SLC4A4: variants seen among roughly 807,000 people sequenced by gnomAD.
The protein encoded by SLC4A4 is solute carrier family 4 member 4.
In SLC4A4, 27 loss-of-function variants were observed where a neutral mutation model predicts 111.5. That is an observed-to-expected ratio of 0.24 (90% CI 0.18 to 0.33). The LOEUF (loss-of-function observed/expected upper bound fraction) is 0.33. Among genes scored for constraint, SLC4A4 ranks in the 10% least tolerant of loss-of-function variants. The pLI, the probability that SLC4A4 is intolerant of heterozygous loss-of-function variation, is 1.00. For synonymous variants in SLC4A4, 443 were observed against 463.4 expected (o/e 0.96, Z 0.57); for missense variants, 909 against 1,315.5 (o/e 0.69, Z 4.78).
At chr4:71,372,209 C>T (rs1276121772) in intron 6 of SLC4A4, among the ~76,000 whole-genome samples, 3 of 152,202 alleles carry the variant, frequency 2.0e-5, no homozygotes, top group African/African-American at 7.2e-5. Flanking sequence ...AAGGAGTAAG[C>T]TCTCATCATT....
intron 3 of SLC4A4, among the ~76,000 whole-genome samples, chr4:71,310,027 C>T (rs1428577635): frequency 6.6e-6 from 1 of 151,558 alleles, no homozygotes; most frequent in Non-Finnish European, 1.5e-5. Flanking sequence ...ACGAGAACTT[C>T]GTGAAGCATA....
At chr4:71,493,681 TCCTC>T (rs1165611270) in intron 15 of SLC4A4, among the ~76,000 whole-genome samples, 3 of 150,986 alleles carry the variant, frequency 2.0e-5, no homozygotes, top group Non-Finnish European at 4.4e-5. Context: ...CCCTCTCTCT[TCCTC>T]CCTCCCTCTC....
chr4:71,546,212 G>C, intron 18 of SLC4A4, 138 bp from the exon 19 acceptor site: 1 of 722,402 alleles, frequency 1.4e-6, no homozygotes, highest in Admixed American at 2.1e-5. Flanking sequence ...AGAAGATAAA[G>C]TCCCCTCTTT....
At chr4:71,226,600 A>G (rs1484326197) in intron 1 of SLC4A4, among the ~76,000 whole-genome samples, 3 of 152,198 alleles carry the variant, frequency 2.0e-5, no homozygotes, top group Non-Finnish European at 4.4e-5. Flanking sequence ...AACCATAAAC[A>G]TAATACTCTT....
intron 7 of SLC4A4, among the ~76,000 whole-genome samples, chr4:71,406,669 T>A (rs1210504086): frequency 6.9e-6 from 1 of 143,940 alleles, no homozygotes; most frequent in Non-Finnish European, 1.5e-5. Context: ...TTTGCCACCA[T>A]GTTAAAAGGA....
intron 3 of SLC4A4, among the ~76,000 whole-genome samples, chr4:71,335,025 C>A (rs1018559094): frequency 6.6e-6 from 1 of 151,824 alleles, no homozygotes; most frequent in Non-Finnish European, 1.5e-5. Context: ...CTATGGAGTA[C>A]GTATGGACAC....
At chr4:71,355,101 A>T (rs538911285) in intron 5 of SLC4A4, among the ~76,000 whole-genome samples, 1 of 152,346 alleles carries the variant, frequency 6.6e-6, no homozygotes, top group East Asian at 1.9e-4. Flanking sequence ...CAGATGTTTT[A>T]ACCTGTTCTA....
rs2148978665 is a variant in SLC4A4 at position 71,397,567 on chromosome 4, G to A, written c.731-10G>A. The A allele has an allele frequency of 1.2e-6, 2 of 1,612,922 alleles. No individual in the cohort carries two copies. Among genetic ancestry groups the A allele is most frequent in the East Asian group, 4.5e-5 (2 of 44,846 alleles). On this transcript the variant is annotated splice_polypyrimidine_tract_variant and intron_variant, in intron 6 of 25. Coordinates refer to ENST00000264485, the MANE Select transcript of SLC4A4 (RefSeq NM_001098484.3). ...AAGTCTTTAATTAGAGTTTACTTGTGTTTTTCCAGGTAGCCCAGCCATGAC... is the reference window on the plus strand; with the variant it reads ...AAGTCTTTAATTAGAGTTTACTTGTATTTTTCCAGGTAGCCCAGCCATGAC...
intron 2 of SLC4A4, among the ~76,000 whole-genome samples, chr4:71,175,902 A>T (rs1019194767): frequency 6.6e-6 from 1 of 152,198 alleles, no homozygotes; most frequent in African/African-American, 2.4e-5. Flanking sequence ...CCTGCCCCCG[A>T]GTAACCTAAC....
intron 2 of SLC4A4, among the ~76,000 whole-genome samples, chr4:71,094,873 G>T (rs1742497272): frequency 6.6e-6 from 1 of 152,144 alleles, no homozygotes; most frequent in Non-Finnish European, 1.5e-5. Flanking sequence ...TCCAGGGGGA[G>T]TCTGTTGATT....
chr4:71,437,624 C>A (rs1724278345), intron 7 of SLC4A4: 1 of 519,184 alleles, frequency 1.9e-6, no homozygotes, highest in South Asian at 1.4e-5. Context: ...TCGTCAACAT[C>A]CACAAAGGCA....
At chr4:71,543,121 A>G (rs1166189425) in intron 18 of SLC4A4, among the ~76,000 whole-genome samples, 1 of 152,146 alleles carries the variant, frequency 6.6e-6, no homozygotes, top group African/African-American at 2.4e-5. Flanking sequence ...CCCTAATGTG[A>G]TGGCACTTAT....
chr4:71,470,405 T>G (rs973963424), intron 13 of SLC4A4, among the ~76,000 whole-genome samples: 2 of 152,038 alleles, frequency 1.3e-5, no homozygotes, highest in Non-Finnish European at 1.5e-5. Context: ...ACAAAAGACA[T>G]TGACTTTAAT....
intron 7 of SLC4A4, among the ~76,000 whole-genome samples, chr4:71,421,068 A>C (rs1722425772): frequency 6.7e-6 from 1 of 149,050 alleles, no homozygotes; most frequent in Non-Finnish European, 1.5e-5. Flanking sequence ...AAGACCCATC[A>C]GTGTGCTGTA....
intron 3 of SLC4A4, among the ~76,000 whole-genome samples, chr4:71,274,477 G>T (rs764370133): frequency 6.6e-6 from 1 of 152,120 alleles, no homozygotes; most frequent in Non-Finnish European, 1.5e-5. Context: ...TAAACATGAA[G>T]AAATAAAACA....
At chr4:71,390,366 G>A (rs1035742118) in intron 6 of SLC4A4, among the ~76,000 whole-genome samples, 3 of 152,222 alleles carry the variant, frequency 2.0e-5, no homozygotes, top group Non-Finnish European at 4.4e-5. Flanking sequence ...AGAATAGGCT[G>A]TATGTATATT....
At chr4:71,431,068 G>A (rs183471493) in intron 7 of SLC4A4, among the ~76,000 whole-genome samples, 28 of 152,166 alleles carry the variant, frequency 1.8e-4, no homozygotes, top group Non-Finnish European at 2.6e-4. Context: ...TTTATTGAAC[G>A]TTTTTCCTCA....
chr4:71,344,676 A>G (rs2148895810), intron 4 of SLC4A4, among the ~76,000 whole-genome samples: 1 of 152,288 alleles, frequency 6.6e-6, no homozygotes, highest in South Asian at 2.1e-4. Context: ...ACTCAATATC[A>G]TCCTTCTTTC....
chr4:71,376,156 T>TATACACACACACAC (rs1553900734), intron 6 of SLC4A4, among the ~76,000 whole-genome samples: 30 of 135,518 alleles, frequency 2.2e-4, no homozygotes, highest in African/African-American at 7.2e-4. Flanking sequence ...CCTGTATATA[T>TATACACACACACAC]ACACACACAC....
Sources: gnomAD v4.1 joint callset for allele counts (sites outside exome capture counted in the v4.1 genomes callset) on GRCh38, gnomAD v4.1.1 for gene constraint, MANE v1.5 for transcripts, NCBI Gene and HGNC (gene_info 2026-07-23, HGNC 2026-07-21) for gene names.